DSCAML1: variants seen among roughly 807,000 people sequenced by gnomAD.
DSCAML1 encodes cell adhesion molecule DSCAML1.
A neutral mutation model predicts 200.5 loss-of-function variants in DSCAML1; 38 were observed. That is an observed-to-expected ratio of 0.19 (90% CI 0.15 to 0.25). DSCAML1 has a LOEUF of 0.25. DSCAML1 is among the 10% of genes least tolerant of loss of function. The pLI is 1.00. For synonymous variants in DSCAML1, 1,215 were observed against 1,165.0 expected (o/e 1.04, Z -0.87); for missense variants, 2,223 against 2,858.8 (o/e 0.78, Z 5.07).
upstream of DSCAML1, chr11:117,797,285 T>C: frequency 1.5e-6 from 2 of 1,331,850 alleles, no homozygotes; most frequent in South Asian, 2.0e-5. Flanking sequence ...AGGCGGCCGC[T>C]CTCCCCGCCC....
intron 1 of DSCAML1, among the ~76,000 whole-genome samples, chr11:117,781,679 G>C (rs1229331074): frequency 6.6e-6 from 1 of 152,234 alleles, no homozygotes; most frequent in African/African-American, 2.4e-5. Flanking sequence ...CCATGTGACT[G>C]TGCAATTCCC....
chr11:117,442,287 ATG>A (rs1489178421), intron 21 of DSCAML1, among the ~76,000 whole-genome samples: 3 of 146,518 alleles, frequency 2.0e-5, no homozygotes, highest in South Asian at 2.2e-4. Context: ...TATAGTGTGT[ATG>A]TGTGTATATG....
chr11:117,721,483 C>T lies in DSCAML1; in HGVS notation c.511+55308G>A, dbSNP rs2054040368. ...TAGTTAGTTATTACAGTCAGGGGTTCCTGACCTCACCCTCCTGGCCCTGTT... is the reference window on the plus strand; with the variant it reads ...TAGTTAGTTATTACAGTCAGGGGTTTCTGACCTCACCCTCCTGGCCCTGTT... On this transcript the variant is annotated intron_variant, in intron 3 of 32. Transcript: ENST00000651296. 2.0e-5 allele frequency among the ~76,000 whole-genome samples: 3 copies of T among 152,118 alleles called. No homozygotes were observed. In the South Asian group the frequency reaches 6.2e-4, roughly 32 times the overall value.
intron 6 of DSCAML1, among the ~76,000 whole-genome samples, chr11:117,520,033 T>G (rs1008047082): frequency 3.9e-5 from 6 of 152,162 alleles, no homozygotes; most frequent in Non-Finnish European, 7.3e-5. Flanking sequence ...GGAACAGAAT[T>G]GTGTTGTGTT....
intron 3 of DSCAML1, among the ~76,000 whole-genome samples, chr11:117,644,095 G>A (rs1404489714): frequency 6.6e-6 from 1 of 152,206 alleles, no homozygotes; most frequent in Non-Finnish European, 1.5e-5. Flanking sequence ...CTCCTTGCAG[G>A]AAGGGGCCCG....
At chr11:117,799,079 T>G (rs1892902), upstream of DSCAML1, among the ~76,000 whole-genome samples, 81,669 of 151,932 alleles carry the variant, frequency 0.54, 22,595 homozygotes, top group African/African-American at 0.68. Flanking sequence ...CCATGAGCCT[T>G]CCCCGAGGTC....
chr11:117,716,483 G>A (rs1443293377), intron 3 of DSCAML1, among the ~76,000 whole-genome samples: 1 of 152,152 alleles, frequency 6.6e-6, no homozygotes. Flanking sequence ...TACTGTCCCT[G>A]AGACACACTG....
chr11:117,651,605 G>A (rs896308997), intron 3 of DSCAML1, among the ~76,000 whole-genome samples: 4 of 151,026 alleles, frequency 2.6e-5, no homozygotes, highest in Non-Finnish European at 4.4e-5. Context: ...CCAGCTACTC[G>A]GGAGGCTGAG....
At chr11:117,680,525 C>T (rs766622035) in intron 3 of DSCAML1, among the ~76,000 whole-genome samples, 1 of 152,230 alleles carries the variant, frequency 6.6e-6, no homozygotes, top group Non-Finnish European at 1.5e-5. Context: ...GGAGGTGCAG[C>T]TCCAGGGCTG....
intron 3 of DSCAML1, among the ~76,000 whole-genome samples, chr11:117,648,484 A>ATT (rs2052566330): frequency 6.6e-6 from 1 of 152,246 alleles, no homozygotes; most frequent in African/African-American, 2.4e-5. Context: ...AACGTGATCA[A>ATT]AGAAAAGGAG....
intron 3 of DSCAML1, among the ~76,000 whole-genome samples, chr11:117,566,555 T>C (rs1591273215): frequency 1.2e-5 from 1 of 84,842 alleles, no homozygotes; most frequent in Non-Finnish European, 2.7e-5. Flanking sequence ...TTGCCTTGGT[T>C]TTTTTTTTGT....
At chr11:117,545,099 G>A (rs889357761) in intron 3 of DSCAML1, among the ~76,000 whole-genome samples, 7 of 151,978 alleles carry the variant, frequency 4.6e-5, no homozygotes, top group Admixed American at 2.6e-4. Context: ...GCGTGGTGGC[G>A]GGCGCCTGTA....
intron 3 of DSCAML1, among the ~76,000 whole-genome samples, chr11:117,628,630 T>C (rs1057422856): frequency 6.6e-6 from 1 of 152,202 alleles, no homozygotes; most frequent in African/African-American, 2.4e-5. Context: ...TCTGGTCCCA[T>C]AGCACTTGTT....
chr11:117,749,441 C>G (rs1565261715), intron 3 of DSCAML1, among the ~76,000 whole-genome samples: 1 of 152,210 alleles, frequency 6.6e-6, no homozygotes, highest in Non-Finnish European at 1.5e-5. Flanking sequence ...GGGTGAGAGG[C>G]CACGAACTGC....
At chr11:117,631,808 A>G (rs1296207783) in intron 3 of DSCAML1, among the ~76,000 whole-genome samples, 2 of 152,166 alleles carry the variant, frequency 1.3e-5, no homozygotes, top group Admixed American at 1.3e-4. Context: ...GCCCTGAGCT[A>G]TGCTCTGGAG....
At chr11:117,724,795 C>G (rs568751025) in intron 3 of DSCAML1, among the ~76,000 whole-genome samples, 2 of 152,336 alleles carry the variant, frequency 1.3e-5, no homozygotes, top group South Asian at 2.1e-4. Context: ...TCCACACCCC[C>G]CTGACACTCT....
chr11:117,480,523 C>A lies in DSCAML1; in HGVS notation c.2705G>T (p.Ser902Ile). 1 of 1,595,320 alleles carries A rather than the reference C, an allele frequency of 6.3e-7. No individual in the cohort carries two copies. Among genetic ancestry groups the A allele is most frequent in the Non-Finnish European group, 8.5e-7 (1 of 1,170,508 alleles). The change falls in exon 14 of 33, where the codon AGC (serine) becomes ATC (isoleucine). Residue 902 changes from serine (S) to isoleucine (I), a missense_variant. By Grantham distance (142) the Ser-to-Ile change is moderately radical (BLOSUM62 -2). Coordinates refer to ENST00000651296, the MANE Select transcript of DSCAML1 (RefSeq NM_020693.4). The surrounding 1 kb of genome is among the most constrained non-coding windows in gnomAD (Gnocchi z 4.1). The stretch of plus-strand genomic sequence containing the variant: ...TCGCTGGGTCCAGCGCAGGTTCATG[C>A]TCCGGGCCTTCACCTCCCGGATCTC... ...ELEIREVKAR[S>I]MNLRWTQRFD...
intron 3 of DSCAML1, among the ~76,000 whole-genome samples, chr11:117,682,349 C>T (rs2053326687): frequency 6.6e-6 from 1 of 152,132 alleles, no homozygotes; most frequent in Admixed American, 6.5e-5. Context: ...TGAACTTGAA[C>T]CTGAAGACAC....
intron 3 of DSCAML1, among the ~76,000 whole-genome samples, chr11:117,591,269 G>T (rs2137484573): frequency 6.6e-6 from 1 of 152,228 alleles, no homozygotes; most frequent in Admixed American, 6.5e-5. Flanking sequence ...TAACCCAGTG[G>T]GCACCCTAGC....
Sources: gnomAD v4.1 joint callset for allele counts (sites outside exome capture counted in the v4.1 genomes callset) on GRCh38, gnomAD v4.1.1 for gene constraint, Gnocchi (gnomAD v3.1) non-coding constraint, MANE v1.5 for transcripts, NCBI Gene and HGNC (gene_info 2026-07-23, HGNC 2026-07-21) for gene names.